GALK2: variants seen among roughly 807,000 people sequenced by gnomAD.
GALK2 encodes the protein N-acetylgalactosamine kinase.
A neutral mutation model predicts 52.4 loss-of-function variants in GALK2; 36 were observed. The ratio of observed to expected loss-of-function variants is 0.69; its 90% CI spans 0.53 to 0.91. The LOEUF is 0.91. Among genes scored for constraint, GALK2 ranks in the 40% least tolerant of loss-of-function variants. The probability of loss-of-function intolerance (pLI) is 0.00; values close to 1 mark genes in which losing one functional copy is unlikely to be tolerated. For synonymous variants in GALK2, 176 were observed against 199.1 expected, an observed-to-expected ratio of 0.88 and a Z score of 0.98; for missense variants, 579 against 559.1, an observed-to-expected ratio of 1.04 and a Z score of -0.36.
intron 1 of GALK2, among the ~76,000 whole-genome samples, chr15:49,158,127 A>G (rs546908696): frequency 6.6e-6 from 1 of 152,184 alleles, no homozygotes; most frequent in Non-Finnish European, 1.5e-5. Context: ...CTGATGTGCC[A>G]AAAAGCAGCA....
At chr15:49,194,792 T>C (rs2087067534) in intron 1 of GALK2, among the ~76,000 whole-genome samples, 2 of 151,632 alleles carry the variant, frequency 1.3e-5, no homozygotes, top group Non-Finnish European at 2.9e-5. Flanking sequence ...ACAGGGTTTC[T>C]CCATGTCGGT....
chr15:49,355,126 C>T (rs2042917977), intron 3 of GALK2, among the ~76,000 whole-genome samples: 1 of 151,134 alleles, frequency 6.6e-6, no homozygotes, highest in South Asian at 2.1e-4. Flanking sequence ...TAGATAAAAC[C>T]ACAAAGATGG....
chr15:49,335,082 A>C (rs944065167), downstream of GALK2, among the ~76,000 whole-genome samples: 1 of 152,184 alleles, frequency 6.6e-6, no homozygotes, highest in Admixed American at 6.5e-5. Context: ...CTTCCACTGC[A>C]GGGAATTTTT....
intron 3 of GALK2, among the ~76,000 whole-genome samples, chr15:49,356,056 C>A (rs1474626681): frequency 2.0e-5 from 3 of 149,762 alleles, no homozygotes; most frequent in Non-Finnish European, 4.4e-5. Context: ...ATTTTCTCAC[C>A]AACAGGCCTG....
chr15:49,218,889 G>A (rs942330538), intron 3 of GALK2, among the ~76,000 whole-genome samples: 2 of 152,104 alleles, frequency 1.3e-5, no homozygotes, highest in East Asian at 1.9e-4. Context: ...GTAGTGGGGC[G>A]ATCTCAGCTC....
chr15:49,360,889 C>T (rs748752827), intron 3 of GALK2, among the ~76,000 whole-genome samples: 18 of 152,110 alleles, frequency 1.2e-4, no homozygotes, highest in Admixed American at 5.9e-4. Flanking sequence ...CATTGACTCC[C>T]TCCAGTCCTC....
intron 3 of GALK2, among the ~76,000 whole-genome samples, chr15:49,232,323 G>A (rs1361236938): frequency 6.6e-6 from 1 of 152,204 alleles, no homozygotes; most frequent in African/African-American, 2.4e-5. Flanking sequence ...GATATGGGGA[G>A]CAGTGTCTTG....
At chr15:49,230,466 G>A (rs1197836580) in intron 3 of GALK2, among the ~76,000 whole-genome samples, 1 of 152,154 alleles carries the variant, frequency 6.6e-6, no homozygotes, top group Non-Finnish European at 1.5e-5. Flanking sequence ...CCTTGCCTTA[G>A]GTGTTCCTTG....
At position 49,162,640 on chromosome 15, in the gene GALK2, C is replaced by T. The variant is rs551453422; in HGVS notation, c.20+6624C>T. Among the ~76,000 whole-genome samples the T allele has an allele frequency of 1.6e-4, 25 of 152,258 alleles. No homozygotes were observed. The South Asian group carries it at 4.6e-3, about 28-fold the overall frequency. On this transcript the variant is annotated intron_variant, in intron 1 of 9. Transcript: ENST00000327171. ...ATACGTGATTATATATACATGATTACATTATACAAGATTGTTAAGTCAATC... is the reference window on the plus strand; with the variant it reads ...ATACGTGATTATATATACATGATTATATTATACAAGATTGTTAAGTCAATC...
intron 8 of GALK2, among the ~76,000 whole-genome samples, chr15:49,302,094 G>T (rs1324783747): frequency 6.6e-6 from 1 of 152,150 alleles, no homozygotes. Context: ...GACCACATAG[G>T]TGGTACGAGC....
intron 5 of GALK2, among the ~76,000 whole-genome samples, chr15:49,247,040 G>A (rs568966585): frequency 6.6e-6 from 1 of 152,262 alleles, no homozygotes; most frequent in South Asian, 2.1e-4. Context: ...AAGGGAAATT[G>A]TATATTTTAT....
At chr15:49,169,110 T>C (rs2141164580), upstream of GALK2, 1 of 152,900 alleles carries the variant, frequency 6.5e-6, no homozygotes, top group Middle Eastern at 5.3e-4. Context: ...TCCTCCTGTA[T>C]ACATGTATAC....
chr15:49,365,581 A>G, intron 3 of GALK2: 1 of 910,856 alleles, frequency 1.1e-6, no homozygotes, highest in Non-Finnish European at 1.9e-6. Context: ...TTTAACCATG[A>G]TACTCTCACC....
intron 3 of GALK2, among the ~76,000 whole-genome samples, chr15:49,233,064 A>G (rs1343091647): frequency 6.6e-6 from 1 of 152,160 alleles, no homozygotes; most frequent in Non-Finnish European, 1.5e-5. Flanking sequence ...AATTTTCCAT[A>G]TTAGTTCATT....
At chr15:49,299,779 CTTTCTTT>C (rs2034925267) in intron 8 of GALK2, among the ~76,000 whole-genome samples, 1 of 127,574 alleles carries the variant, frequency 7.8e-6, no homozygotes. Flanking sequence ...TTCTTTCTTT[CTTTCTTT>C]CTTTCTTTCG....
intron 1 of GALK2, among the ~76,000 whole-genome samples, chr15:49,172,792 T>C (rs966557142): frequency 6.6e-6 from 1 of 152,248 alleles, no homozygotes; most frequent in African/African-American, 2.4e-5. Flanking sequence ...TGAATTTCAC[T>C]GTTCTGGCTT....
chr15:49,171,891 C>A (rs1388927168), intron 1 of GALK2, among the ~76,000 whole-genome samples: 1 of 152,036 alleles, frequency 6.6e-6, no homozygotes, highest in Admixed American at 6.6e-5. Flanking sequence ...CCTGCCTTAG[C>A]CTCCAGAGTA....
At chr15:49,265,337 C>A (rs191083740) in intron 5 of GALK2, among the ~76,000 whole-genome samples, 7 of 152,238 alleles carry the variant, frequency 4.6e-5, no homozygotes, top group Admixed American at 3.3e-4. Flanking sequence ...GCTGTGCTAG[C>A]AATCAGCGAG....
rs1475478131 is a variant in GALK2, at chr15:49,263,270, A to G, written c.505-18717A>G. The stretch of plus-strand genomic sequence containing the variant: ...TGGTGCTCCTGTATTGGGTGCACAT[A>G]TATTTAGGATAGTTAGCTCTTCTTG... On this transcript the variant is annotated intron_variant, in intron 5 of 9. Coordinates refer to ENST00000560031, the MANE Select transcript of GALK2 (RefSeq NM_002044.4). Among the ~76,000 whole-genome samples, 17 of 75,504 alleles carry G rather than the reference A, an allele frequency of 2.3e-4. 4 individuals carry two copies. Among genetic ancestry groups the G allele is most frequent in the Non-Finnish European group, 3.3e-4 (12 of 36,142 alleles). 49.5% of individuals were successfully genotyped at this position (75,504 alleles called of 152,430 possible). A position where few individuals can be genotyped will look rare whatever the true frequency, so the allele number is the denominator to read the frequency against.
Sources: allele counts gnomAD v4.1 joint callset (sites outside exome capture counted in the v4.1 genomes callset), GRCh38; gene constraint gnomAD v4.1.1; transcripts MANE v1.5; gene names NCBI Gene and HGNC (gene_info 2026-07-23, HGNC 2026-07-21).